Variants in NTRK3 observed in about 807,000 individuals in gnomAD.
The protein encoded by NTRK3 is neurotrophic receptor tyrosine kinase 3.
A neutral mutation model predicts 91.7 loss-of-function variants in NTRK3; 24 were observed. That is an observed-to-expected ratio of 0.26 (90% CI 0.19 to 0.37). NTRK3 has a LOEUF of 0.37. Ranked by LOEUF, NTRK3 falls within the 10% of genes least tolerant of loss-of-function variation. The pLI is 1.00. For missense variants in NTRK3, 880 were observed against 1,068.9 expected (o/e 0.82, Z 2.46); for synonymous variants, 483 against 404.0 (o/e 1.20, Z -2.34).
intron 14 of NTRK3, 83 bp from the exon 15 acceptor site, chr15:87,940,836 C>T (rs781028644): frequency 1.4e-4 from 220 of 1,601,574 alleles, no homozygotes; most frequent in Non-Finnish European, 1.7e-4. Flanking sequence ...AGAGGTCTAG[C>T]GTGGAGAACT....
chr15:87,884,371 A>T (rs1731690004), intron 17 of NTRK3, among the ~76,000 whole-genome samples: 1 of 151,546 alleles, frequency 6.6e-6, no homozygotes. Flanking sequence ...GAAGGTTCAG[A>T]TAGTTTTCTG....
chr15:87,884,130 A>T (rs1487495190), intron 17 of NTRK3, among the ~76,000 whole-genome samples: 1 of 145,382 alleles, frequency 6.9e-6, no homozygotes, highest in Non-Finnish European at 1.5e-5. Flanking sequence ...AAAAATCAGA[A>T]TTGATCTACA....
intron 13 of NTRK3, among the ~76,000 whole-genome samples, chr15:88,039,305 T>C (rs1286301897): frequency 6.6e-6 from 1 of 152,212 alleles, no homozygotes; most frequent in African/African-American, 2.4e-5. Flanking sequence ...TTCTAGTAAA[T>C]GCAAGCTTTG....
chr15:88,112,038 C>A (rs1567434490), intron 13 of NTRK3, among the ~76,000 whole-genome samples: 1 of 152,022 alleles, frequency 6.6e-6, no homozygotes, highest in Non-Finnish European at 1.5e-5. Context: ...TCCTGAGTAG[C>A]TGGGACTACA....
intron 3 of NTRK3, among the ~76,000 whole-genome samples, chr15:88,223,424 G>A (rs754414897): frequency 7.2e-5 from 11 of 152,344 alleles, no homozygotes; most frequent in African/African-American, 1.7e-4. Flanking sequence ...GCTGGCAGGC[G>A]AAGACTGCAC....
At chr15:88,192,019 C>T (rs1422485286) in intron 3 of NTRK3, among the ~76,000 whole-genome samples, 2 of 152,240 alleles carry the variant, frequency 1.3e-5, no homozygotes, top group Non-Finnish European at 2.9e-5. Flanking sequence ...CCAAGGACCA[C>T]GGTGAACCAG....
At chr15:87,923,899 T>C (rs770571870) in intron 17 of NTRK3, among the ~76,000 whole-genome samples, 5 of 152,150 alleles carry the variant, frequency 3.3e-5, no homozygotes, top group African/African-American at 4.8e-5. Flanking sequence ...TGATGTCTTC[T>C]GCCATGTTAT....
intron 13 of NTRK3, among the ~76,000 whole-genome samples, chr15:88,066,888 G>T (rs1416210897): frequency 6.6e-6 from 1 of 152,132 alleles, no homozygotes; most frequent in Non-Finnish European, 1.5e-5. Context: ...CAGTTAGTAG[G>T]GTGGCTGGAA....
rs191540311 is a variant in NTRK3 at position 87,946,967 on chromosome 15, C to T, written c.1586-6214G>A. Among the ~76,000 whole-genome samples, 7 of 150,828 alleles carry T rather than the reference C, an allele frequency of 4.6e-5. No individual in the cohort carries two copies. The South Asian group carries it at 8.4e-4, about 18-fold the overall frequency. Reference sequence around the variant, plus strand: ...CGCAATCTGGGCTCACTGCAACCTCCGCCACACAAGTTCAAGCAATTCTGC... The same window carrying T: ...CGCAATCTGGGCTCACTGCAACCTCTGCCACACAAGTTCAAGCAATTCTGC... On this transcript the variant is annotated intron_variant, in intron 14 of 18. Coordinates refer to ENST00000394480, the Ensembl canonical transcript of NTRK3.
chr15:88,036,816 C>G (rs2079112230), intron 13 of NTRK3, among the ~76,000 whole-genome samples: 1 of 152,234 alleles, frequency 6.6e-6, no homozygotes, highest in Non-Finnish European at 1.5e-5. Context: ...CCGCCCCTTT[C>G]TGTTCTCAGC....
At chr15:87,970,175 G>A (rs1245987561) in intron 14 of NTRK3, among the ~76,000 whole-genome samples, 2 of 152,162 alleles carry the variant, frequency 1.3e-5, no homozygotes, top group Non-Finnish European at 2.9e-5. Context: ...GTTGAGACTG[G>A]GATCCGGGTC....
chr15:88,151,085 G>C (rs981197889), intron 5 of NTRK3, among the ~76,000 whole-genome samples: 1 of 151,976 alleles, frequency 6.6e-6, no homozygotes, highest in African/African-American at 2.4e-5. Context: ...ATTATCACCC[G>C]TCTCTGACTT....
intron 3 of NTRK3, among the ~76,000 whole-genome samples, chr15:88,208,709 T>C (rs2048996110): frequency 6.6e-6 from 1 of 152,188 alleles, no homozygotes; most frequent in Non-Finnish European, 1.5e-5. Flanking sequence ...GACTCATTAA[T>C]AAACAGCAAG....
At chr15:88,114,759 G>T (rs1270159231) in intron 13 of NTRK3, among the ~76,000 whole-genome samples, 1 of 152,026 alleles carries the variant, frequency 6.6e-6, no homozygotes, top group East Asian at 1.9e-4. Flanking sequence ...AATTAGGAAG[G>T]GACTGAAACT....
intron 13 of NTRK3, among the ~76,000 whole-genome samples, chr15:88,075,944 A>AGCTTC (rs1382293934): frequency 6.6e-6 from 1 of 152,198 alleles, no homozygotes; most frequent in Non-Finnish European, 1.5e-5. Context: ...TGAAGCACTA[A>AGCTTC]ACTCAGAGCC....
chr15:88,147,485 C>A, intron 5 of NTRK3, 82 bp from the exon 6 acceptor site: 1 of 1,142,458 alleles, frequency 8.8e-7, no homozygotes, highest in African/African-American at 1.5e-5. Context: ...AATCATTTCA[C>A]TGGAGCCTGG....
chr15:87,998,289 C>T (rs993580434), intron 14 of NTRK3, among the ~76,000 whole-genome samples: 6 of 152,250 alleles, frequency 3.9e-5, no homozygotes, highest in Admixed American at 6.5e-5. Flanking sequence ...ACCACTAATG[C>T]TAGCTGAGTT....
chr15:88,134,251 C>T (rs759568638), intron 10 of NTRK3, among the ~76,000 whole-genome samples: 7 of 152,136 alleles, frequency 4.6e-5, no homozygotes, highest in South Asian at 2.1e-4. Flanking sequence ...TTATCAATTG[C>T]GGAACCCACA....
intron 17 of NTRK3, among the ~76,000 whole-genome samples, chr15:87,886,019 A>G (rs1262658338): frequency 1.3e-5 from 2 of 152,076 alleles, no homozygotes; most frequent in Non-Finnish European, 2.9e-5. Context: ...AGGAAAAGCA[A>G]CCCAGCAGAA....
Sources: gnomAD v4.1 joint callset for allele counts (sites outside exome capture counted in the v4.1 genomes callset) on GRCh38, gnomAD v4.1.1 for gene constraint, MANE v1.5 for transcripts, NCBI Gene and HGNC (gene_info 2026-07-23, HGNC 2026-07-21) for gene names.